The following TSR1 variants were observed in gnomAD, a reference collection of about 807,000 sequenced individuals.
TSR1 encodes the protein TSR1 ribosome maturation factor.
Under a neutral mutation model 90.9 loss-of-function variants are expected in TSR1, and 81 were observed. The ratio of observed to expected loss-of-function variants is 0.89; its 90% confidence interval spans 0.74 to 1.07. The LOEUF is 1.07. Among genes scored for constraint, TSR1 ranks in the 50% least tolerant of loss-of-function variants. TSR1 has a pLI of 0.00. For synonymous variants in TSR1, 362 were observed against 348.8 expected (o/e 1.04, Z -0.42); for missense variants, 989 against 987.3 (o/e 1.00, Z -0.02).
At chr17:2,331,600 C>T (rs960637421) in intron 8 of TSR1, among the ~76,000 whole-genome samples, 5 of 152,182 alleles carry the variant, frequency 3.3e-5, no homozygotes, top group Non-Finnish European at 1.5e-5. Flanking sequence ...TTGTAAGTTT[C>T]TTGAGGACAC....
chr17:2,325,362 G>T lies in TSR1; in HGVS notation c.1962C>A (p.Val654=). 5.6e-6 allele frequency: 9 copies of T among 1,613,716 alleles called. No homozygotes were observed. Among genetic ancestry groups the T allele is most frequent in the Non-Finnish European group, 7.6e-6 (9 of 1,179,962 alleles). Residue 654 remains valine, a synonymous_variant, in exon 12 of 15, where the codon GTC becomes GTA. Coordinates refer to ENST00000301364, the MANE Select transcript of TSR1 (RefSeq NM_018128.5). ...LTADMALVAT[V]YAPITFPPAS... is the part of the protein sequence containing the mutation. ...CAGGAGGAAAAGTGATTGGCGCATAGACTGTCGCCACCAGGGCCATGTCAG... is the reference window on the plus strand; with the variant it reads ...CAGGAGGAAAAGTGATTGGCGCATATACTGTCGCCACCAGGGCCATGTCAG...
intron 11 of TSR1, among the ~76,000 whole-genome samples, chr17:2,327,520 G>C (rs1278404041): frequency 6.6e-6 from 1 of 151,838 alleles, no homozygotes; most frequent in African/African-American, 2.4e-5. Context: ...TTTAGTTCCA[G>C]TTCTAAGGAT....
rs759394475 is a variant in TSR1 at position 2,336,144 on chromosome 17, A to G, written c.98-4T>C. The stretch of plus-strand genomic sequence containing the variant: ...AGGGTTTTCAGTGCCAGACGGCCTG[A>G]ATGGCAGATTAGAAGGGGCTGGTGT... On this transcript the variant is annotated splice_polypyrimidine_tract_variant and splice_region_variant and intron_variant, in intron 1 of 14. Coordinates refer to ENST00000301364, the MANE Select transcript of TSR1 (RefSeq NM_018128.5). 6.2e-7 allele frequency: 1 copy of G among 1,614,018 alleles called. No individual in the cohort carries two copies. Among genetic ancestry groups the G allele is most frequent in the South Asian group, 1.1e-5 (1 of 91,088 alleles).
chr17:2,335,464 A>AAT, intron 3 of TSR1, 47 bp downstream of exon 3: 1 of 1,583,864 alleles, frequency 6.3e-7, no homozygotes, highest in Non-Finnish European at 8.6e-7. Context: ...AAAAAAAAAA[A>AAT]ATACCACTAC....
Position 2,323,278 on chromosome 17 carries a change from TG to T in TSR1, c.*917del. ...GATGGTGTCAAATCCAGCATTGGCT[TG>T]AACACCTGGCCTATTATCAGGGACC... On this transcript the variant is annotated 3_prime_UTR_variant, in exon 15 of 15. Coordinates refer to ENST00000301364, the MANE Select transcript of TSR1 (RefSeq NM_018128.5). 5 of 1,614,170 alleles carry T rather than the reference TG, an allele frequency of 3.1e-6. No homozygotes were observed. The highest frequency in any genetic ancestry group is 4.2e-6 in the Non-Finnish European group (5 of 1,180,010).
chr17:2,333,956 C>T (rs2064026118), intron 5 of TSR1, among the ~76,000 whole-genome samples: 1 of 152,084 alleles, frequency 6.6e-6, no homozygotes, highest in Admixed American at 6.6e-5. Context: ...TTACGTACCT[C>T]ACTCCCATCA....
Position 2,330,937 on chromosome 17 carries a change from G to T in TSR1, c.1659+10C>A. On this transcript the variant is annotated intron_variant, in intron 9 of 14. Transcript: ENST00000301364. Reference sequence around the variant, plus strand: ...AAGCAACATACAAGATGAACAAGGAGGATAGATACCTCAGCTCCTTCAACC... The same window carrying T: ...AAGCAACATACAAGATGAACAAGGATGATAGATACCTCAGCTCCTTCAACC... 6.4e-7 allele frequency: 1 copy of T among 1,573,322 alleles called. No individual in the cohort carries two copies. Among genetic ancestry groups the T allele is most frequent in the Non-Finnish European group, 8.6e-7 (1 of 1,165,992 alleles).
chr17:2,334,763 C>G lies in TSR1; in HGVS notation c.690G>C (p.Gly230=), dbSNP rs769049171. The change falls in exon 5 of 15, where the codon GGG becomes GGC. Residue 230 remains glycine (G), a synonymous_variant. Transcript: ENST00000301364. ...LLLLDTQQEA[G]MLLRQLANQK... ...GGTTAGCCAACTGCCTAAGCAGCATCCCTGCCTCCTGTTGAGTGTCTAACA... is the reference window on the plus strand; with the variant it reads ...GGTTAGCCAACTGCCTAAGCAGCATGCCTGCCTCCTGTTGAGTGTCTAACA... The G allele has an allele frequency of 6.2e-7, 1 of 1,614,122 alleles. No individual in the cohort carries two copies. The highest frequency in any genetic ancestry group is 2.2e-5 in the East Asian group (1 of 44,902).
intron 7 of TSR1, among the ~76,000 whole-genome samples, chr17:2,332,625 A>G (rs576523524): frequency 1.4e-4 from 22 of 152,306 alleles, no homozygotes; most frequent in Admixed American, 5.2e-4. Flanking sequence ...TCATGAGGTC[A>G]GGAGATTGAG....
Position 2,323,415 on chromosome 17 carries a change from G to C in TSR1, c.*781C>G. 6.4e-7 allele frequency: 1 copy of C among 1,572,252 alleles called. No homozygotes were observed. Among genetic ancestry groups the C allele is most frequent in the Non-Finnish European group, 8.7e-7 (1 of 1,146,318 alleles). ...TCTTAGGCAGAAGAAACTTCCCTTAGGAGTAGCAAGTGACCCACGGGAACC... is the reference window on the plus strand; with the variant it reads ...TCTTAGGCAGAAGAAACTTCCCTTACGAGTAGCAAGTGACCCACGGGAACC... On this transcript the variant is annotated 3_prime_UTR_variant, in exon 15 of 15. Transcript: ENST00000301364.
chr17:2,336,208 G>A, intron 1 of TSR1, 68 bp from the exon 2 acceptor site: 1 of 1,596,458 alleles, frequency 6.3e-7, no homozygotes, highest in Non-Finnish European at 8.6e-7. Context: ...ACTCCTCTCC[G>A]CCCACCTTAG....
chr17:2,330,496 C>T lies in TSR1; in HGVS notation c.1770+19G>A. ...GAAAGTTTCACAACCCCCCATTTTC[C>T]CACAAGACAGCAATTTACCTTCTGT... On this transcript the variant is annotated intron_variant, in intron 10 of 14. Coordinates refer to ENST00000301364, the MANE Select transcript of TSR1 (RefSeq NM_018128.5). The T allele has an allele frequency of 1.9e-6, 3 of 1,608,732 alleles. No homozygotes were observed. Among genetic ancestry groups the T allele is most frequent in the Non-Finnish European group, 2.6e-6 (3 of 1,175,626 alleles).
At chr17:2,336,252 C>G in intron 1 of TSR1, 79 bp downstream of exon 1, 2 of 1,602,202 alleles carry the variant, frequency 1.2e-6, no homozygotes, top group Non-Finnish European at 1.7e-6. Context: ...AGACGGGAGA[C>G]AGAAGCTCAG....
At chr17:2,332,921 G>C (rs1480553414) in intron 7 of TSR1, 40 bp downstream of exon 7, 1 of 1,597,506 alleles carries the variant, frequency 6.3e-7, no homozygotes, top group East Asian at 2.2e-5. Flanking sequence ...CTTACATTTG[G>C]AGCTAGACAC....
Position 2,324,533 on chromosome 17 carries a change from C to T in TSR1, c.2207G>A (p.Gly736Asp), listed in dbSNP as rs2075562594. 1 of 1,614,250 alleles carries T rather than the reference C, an allele frequency of 6.2e-7. No homozygotes were observed. Among genetic ancestry groups the T allele is most frequent in the Non-Finnish European group, 8.5e-7 (1 of 1,180,038 alleles). Residue 736 changes from glycine (G) to aspartate (D), a missense_variant, in exon 14 of 15, where the codon GGC becomes GAC. Physicochemically the swap from Gly to Asp is moderately conservative, Grantham distance 94 (BLOSUM62 -1). Coordinates refer to ENST00000301364, the MANE Select transcript of TSR1 (RefSeq NM_018128.5). ...FKPVELRTKW[G>D]RRGHIKEPLG... is the part of the protein sequence containing the mutation. ...AGGTTCCTTGATATGTCCTCTCCGG[C>T]CCCACTTCGTTCTCAGTTCCACTGG...
intron 8 of TSR1, among the ~76,000 whole-genome samples, chr17:2,331,531 C>CTT (rs1032272575): frequency 1.6e-5 from 2 of 123,040 alleles, no homozygotes; most frequent in Admixed American, 1.7e-4. Context: ...TCCTGCCTTG[C>CTT]TCTCGTTACT....
intron 2 of TSR1, 128 bp downstream of exon 2, chr17:2,335,909 C>G (rs1193415298): frequency 4.9e-6 from 6 of 1,231,230 alleles, no homozygotes; most frequent in African/African-American, 1.5e-5. Context: ...TAGACCTGCA[C>G]GCTCGACACG....
intron 7 of TSR1, among the ~76,000 whole-genome samples, 155 bp downstream of exon 7, chr17:2,332,806 C>T (rs2064016233): frequency 6.6e-6 from 1 of 151,834 alleles, no homozygotes; most frequent in African/African-American, 2.4e-5. Context: ...CACTGCACTC[C>T]AGCCTGAGCA....
chr17:2,324,491 C>T lies in TSR1; in HGVS notation c.2236+13G>A, dbSNP rs2075562023. On this transcript the variant is annotated intron_variant, in intron 14 of 14. Coordinates refer to ENST00000301364, the MANE Select transcript of TSR1 (RefSeq NM_018128.5). ...GAAATGCAGACATGGTCTCAAATCC[C>T]GTGTTTCCTTACCTAAAGGTTCCTT... 7.4e-6 allele frequency: 12 copies of T among 1,614,182 alleles called. No individual in the cohort carries two copies. The highest frequency in any genetic ancestry group is 9.3e-6 in the Non-Finnish European group (11 of 1,180,020).
Sources: gnomAD v4.1 joint callset for allele counts (sites outside exome capture counted in the v4.1 genomes callset) on GRCh38, gnomAD v4.1.1 for gene constraint, MANE v1.5 for transcripts, NCBI Gene and HGNC (gene_info 2026-07-23, HGNC 2026-07-21) for gene names.